Variants in RALYL observed in about 807,000 individuals in gnomAD.
The protein encoded by RALYL is RALY RNA binding protein like.
A neutral mutation model predicts 35.1 loss-of-function variants in RALYL; 29 were observed. The observed-to-expected ratio is 0.83, with a 90% CI of 0.61 to 1.13. The LOEUF (loss-of-function observed/expected upper bound fraction) is 1.13. Ranked by LOEUF, RALYL falls within the 50% of genes most tolerant of loss-of-function variation. The pLI, the probability that RALYL is intolerant of heterozygous loss-of-function variation, is 0.00. For synonymous variants in RALYL, 120 were observed against 127.6 expected (o/e 0.94, Z 0.40); for missense variants, 359 against 360.4 (o/e 1.00, Z 0.03).
intron 2 of RALYL, among the ~76,000 whole-genome samples, chr8:84,729,122 CCA>C (rs1845603814): frequency 1.1e-4 from 17 of 152,072 alleles, no homozygotes; most frequent in Non-Finnish European, 2.9e-5. Flanking sequence ...GAATGTTCTT[CCA>C]TTTGTTTGTA....
At chr8:84,691,485 G>T (rs886553321) in intron 2 of RALYL, among the ~76,000 whole-genome samples, 2 of 152,046 alleles carry the variant, frequency 1.3e-5, no homozygotes, top group African/African-American at 2.4e-5. Context: ...ACAGTGAATT[G>T]AGAAAGATTC....
intron 2 of RALYL, chr8:84,706,119 T>C: frequency 1.4e-6 from 2 of 1,466,926 alleles, no homozygotes; most frequent in Non-Finnish European, 1.8e-6. Context: ...CATACTTGAT[T>C]TCTTAAAAGA....
Position 84,644,794 on chromosome 8 carries a change from C to T in RALYL, c.256+115217C>T, listed in dbSNP as rs561110726. Among the ~76,000 whole-genome samples, 12 of 151,644 alleles carry T rather than the reference C, an allele frequency of 7.9e-5. No individual in the cohort carries two copies. The South Asian group carries it at 1.5e-3, about 18-fold the overall frequency. On this transcript the variant is annotated intron_variant, in intron 2 of 8. Transcript: ENST00000521268. ...TGAGACAGAGTCTTGCTCTCTTGCC[C>T]GGGCTGGAGTGCAGTGGTTCAATTT...
intron 1 of RALYL, among the ~76,000 whole-genome samples, chr8:84,232,574 A>G (rs1335671980): frequency 6.6e-6 from 1 of 152,150 alleles, no homozygotes; most frequent in Non-Finnish European, 1.5e-5. Flanking sequence ...AAAAATGCAA[A>G]GACAGTGGGC....
intron 1 of RALYL, among the ~76,000 whole-genome samples, chr8:84,450,832 A>G (rs1396114052): frequency 6.6e-6 from 1 of 152,026 alleles, no homozygotes; most frequent in Non-Finnish European, 1.5e-5. Context: ...ATTCCATCAA[A>G]TTACTCAATA....
intron 8 of RALYL, among the ~76,000 whole-genome samples, chr8:84,898,812 G>T (rs890144517): frequency 6.6e-6 from 1 of 152,030 alleles, no homozygotes; most frequent in African/African-American, 2.4e-5. Flanking sequence ...TTCACTACTC[G>T]GTTTTATCTG....
chr8:84,828,672 C>A (rs1356465874), intron 4 of RALYL: 1 of 188,836 alleles, frequency 5.3e-6, no homozygotes, highest in South Asian at 1.4e-4. Flanking sequence ...CAAGAGTAAT[C>A]TTATAACAGT....
At chr8:84,858,819 G>T (rs1371377384) in intron 5 of RALYL, among the ~76,000 whole-genome samples, 1 of 152,022 alleles carries the variant, frequency 6.6e-6, no homozygotes, top group Non-Finnish European at 1.5e-5. Context: ...TCCTTGTCTT[G>T]TTATGTTTTT....
chr8:84,379,886 A>T (rs78617962), intron 1 of RALYL, among the ~76,000 whole-genome samples: 2 of 150,888 alleles, frequency 1.3e-5, no homozygotes, highest in Non-Finnish European at 3.0e-5. Context: ...AAAAAACTGT[A>T]CTCCTTTAAG....
intron 5 of RALYL, among the ~76,000 whole-genome samples, chr8:84,856,900 C>T (rs1300805937): frequency 6.6e-6 from 1 of 151,128 alleles, no homozygotes; most frequent in Non-Finnish European, 1.5e-5. Flanking sequence ...CGGTGGCAGG[C>T]GCCTGTAGTC....
chr8:84,609,861 A>G (rs1365988480), intron 2 of RALYL, among the ~76,000 whole-genome samples: 1 of 152,170 alleles, frequency 6.6e-6, no homozygotes, highest in East Asian at 1.9e-4. Context: ...GGGAAGCCTC[A>G]CAATCATTGT....
chr8:84,845,337 C>T (rs759817161), intron 4 of RALYL, among the ~76,000 whole-genome samples: 15 of 151,980 alleles, frequency 9.9e-5, no homozygotes, highest in Non-Finnish European at 1.6e-4. Context: ...TCTTTGCATC[C>T]TCTACATCTG....
At position 84,341,158 on chromosome 8, in the gene RALYL, ATTT is replaced by A. The variant is rs11291365; in HGVS notation, c.-24+156750_-24+156752del. ...GTTCTTCCTGTTTTCTAACCAGGTGATTTTTTTTTTTTTTTTTTGCCATTGATT... is the reference window on the plus strand; with the variant it reads ...GTTCTTCCTGTTTTCTAACCAGGTGATTTTTTTTTTTTTTTGCCATTGATT... On this transcript the variant is annotated intron_variant, in intron 1 of 8. Transcript: ENST00000521268. 1.7e-3 allele frequency among the ~76,000 whole-genome samples: 216 copies of A among 127,844 alleles called. 3 individuals are homozygous for A. Among genetic ancestry groups the A allele is most frequent in the African/African-American group, 5.9e-3 (204 of 34,666 alleles). 83.9% of individuals were successfully genotyped at this position (127,844 alleles called of 152,430 possible).
chr8:84,542,230 A>G (rs1432186536), intron 2 of RALYL, among the ~76,000 whole-genome samples: 1 of 151,990 alleles, frequency 6.6e-6, no homozygotes, highest in East Asian at 1.9e-4. Context: ...TTTTTTATAC[A>G]TCATCCGTTT....
chr8:84,706,024 A>G (rs1564406577), intron 2 of RALYL: 1 of 1,535,076 alleles, frequency 6.5e-7, no homozygotes, highest in Non-Finnish European at 8.7e-7. Flanking sequence ...TTTTTTCAAA[A>G]TGACCATGTA....
At chr8:84,536,830 C>G (rs545726568) in intron 2 of RALYL, among the ~76,000 whole-genome samples, 1 of 152,226 alleles carries the variant, frequency 6.6e-6, no homozygotes, top group East Asian at 1.9e-4. Context: ...AGATACAAAT[C>G]AAAAGTTAGT....
At chr8:84,365,332 C>T (rs1288198444) in intron 1 of RALYL, among the ~76,000 whole-genome samples, 2 of 152,106 alleles carry the variant, frequency 1.3e-5, no homozygotes, top group African/African-American at 4.8e-5. Context: ...TCCAGCTAAA[C>T]ATGTTTTTCC....
chr8:84,492,142 T>C lies in RALYL; in HGVS notation c.-23-37157T>C, dbSNP rs1365404541. ...ACTGAGAGAATGCAAAATTTGAATA[T>C]AGTGTACAATACAGTTTTTCTCAGT... is the stretch of plus-strand genomic sequence containing the variant. On this transcript the variant is annotated intron_variant, in intron 1 of 8. Coordinates refer to ENST00000521268, the MANE Select transcript of RALYL (RefSeq NM_173848.7). 4.6e-5 allele frequency among the ~76,000 whole-genome samples: 7 copies of C among 152,154 alleles called. No individual in the cohort carries two copies. The East Asian group carries it at 9.7e-4, about 21-fold the overall frequency.
chr8:84,416,567 C>T (rs1031137629), intron 1 of RALYL, among the ~76,000 whole-genome samples: 2 of 151,396 alleles, frequency 1.3e-5, no homozygotes, highest in African/African-American at 2.5e-5. Flanking sequence ...GTATTTGAAA[C>T]CTTTTTTTTT....
Sources: allele counts gnomAD v4.1 joint callset (sites outside exome capture counted in the v4.1 genomes callset), GRCh38; gene constraint gnomAD v4.1.1; transcripts MANE v1.5; gene names NCBI Gene and HGNC (gene_info 2026-07-23, HGNC 2026-07-21).